PRTFDC1: variants seen among roughly 807,000 people sequenced by gnomAD.
The protein encoded by PRTFDC1 is phosphoribosyltransferase domain-containing protein 1.
A neutral mutation model predicts 34.6 loss-of-function variants in PRTFDC1; 38 were observed. That is an observed-to-expected ratio of 1.10 (90% CI 0.85 to 1.44). PRTFDC1 has a LOEUF of 1.44. PRTFDC1 is among the 40% of genes most tolerant of loss of function. The pLI is 0.00. For synonymous variants in PRTFDC1, 93 were observed against 98.1 expected (o/e 0.95, Z 0.31); for missense variants, 270 against 283.0 (o/e 0.95, Z 0.33).
chr10:24,929,072 GAAA>G (rs1848932460), intron 3 of PRTFDC1, among the ~76,000 whole-genome samples: 3 of 121,380 alleles, frequency 2.5e-5, no homozygotes, highest in Admixed American at 8.3e-5. Flanking sequence ...AAGAAAGAAA[GAAA>G]GGGAGGCTTT....
chr10:24,851,317 G>A (rs942928432), intron 8 of PRTFDC1, 71 bp downstream of exon 8: 25 of 1,559,566 alleles, frequency 1.6e-5, no homozygotes, highest in South Asian at 6.1e-5. Context: ...TCACTAACAC[G>A]CATTCAATAC....
chr10:24,915,455 T>C (rs920765818), intron 3 of PRTFDC1, among the ~76,000 whole-genome samples: 10 of 152,182 alleles, frequency 6.6e-5, no homozygotes, highest in African/African-American at 2.4e-4. Context: ...CATATCCCTA[T>C]AGGCAATGTT....
chr10:24,851,992 G>A (rs1021880016), intron 7 of PRTFDC1, among the ~76,000 whole-genome samples: 6 of 151,962 alleles, frequency 3.9e-5, no homozygotes, highest in Non-Finnish European at 7.4e-5. Flanking sequence ...GAAAGGCAAC[G>A]GGATTGTTCA....
intron 3 of PRTFDC1, among the ~76,000 whole-genome samples, chr10:24,928,046 A>T (rs1848908085): frequency 6.6e-6 from 1 of 152,166 alleles, no homozygotes; most frequent in Admixed American, 6.5e-5. Flanking sequence ...CCAAATCAAG[A>T]TGCATCTTAC....
intron 3 of PRTFDC1, among the ~76,000 whole-genome samples, chr10:24,914,850 A>G (rs1848672423): frequency 6.6e-6 from 1 of 152,226 alleles, no homozygotes; most frequent in Admixed American, 6.5e-5. Flanking sequence ...GCTAAGATGT[A>G]AGAATAATCA....
At chr10:24,900,881 G>A (rs1003830662) in intron 3 of PRTFDC1, among the ~76,000 whole-genome samples, 1 of 152,158 alleles carries the variant, frequency 6.6e-6, no homozygotes, top group African/African-American at 2.4e-5. Flanking sequence ...TAAAAAGGAA[G>A]AGCTCTGTTT....
chr10:24,947,807 C>A (rs1359943842), intron 1 of PRTFDC1, among the ~76,000 whole-genome samples: 1 of 152,070 alleles, frequency 6.6e-6, no homozygotes, highest in East Asian at 1.9e-4. Flanking sequence ...GGTCTCATCC[C>A]TTCACTCTAA....
At chr10:24,924,586 A>G (rs1405967421) in intron 3 of PRTFDC1, among the ~76,000 whole-genome samples, 3 of 152,232 alleles carry the variant, frequency 2.0e-5, no homozygotes, top group Admixed American at 2.0e-4. Context: ...ACAAAGGGCT[A>G]ATATCCAGAA....
At chr10:24,857,089 G>T in intron 5 of PRTFDC1, 94 bp from the exon 6 acceptor site, 1 of 1,074,460 alleles carries the variant, frequency 9.3e-7, no homozygotes, top group Non-Finnish European at 1.4e-6. Context: ...ATAATGCATC[G>T]TAATTAAAAA....
At chr10:24,865,261 C>T (rs1847756000) in intron 4 of PRTFDC1, among the ~76,000 whole-genome samples, 1 of 152,134 alleles carries the variant, frequency 6.6e-6, no homozygotes. Context: ...TCTGATTCAT[C>T]CCCTCCATTT....
At chr10:24,939,918 T>G (rs1258260355) in intron 2 of PRTFDC1, among the ~76,000 whole-genome samples, 1 of 151,928 alleles carries the variant, frequency 6.6e-6, no homozygotes, top group Non-Finnish European at 1.5e-5. Context: ...TTGGAGTAGC[T>G]ATTTTAATTT....
intron 3 of PRTFDC1, among the ~76,000 whole-genome samples, chr10:24,922,889 G>T (rs1019220128): frequency 6.6e-6 from 1 of 152,178 alleles, no homozygotes; most frequent in Non-Finnish European, 1.5e-5. Flanking sequence ...CCCTTTCCTA[G>T]CCAAGGGAAG....
intron 3 of PRTFDC1, among the ~76,000 whole-genome samples, chr10:24,918,282 G>T (rs895564187): frequency 1.3e-5 from 2 of 152,076 alleles, no homozygotes. Context: ...TGGACCTGCT[G>T]TCTTCTCTCT....
At chr10:24,945,053 A>G (rs1029517037) in intron 1 of PRTFDC1, among the ~76,000 whole-genome samples, 2 of 152,076 alleles carry the variant, frequency 1.3e-5, no homozygotes, top group Admixed American at 6.6e-5. Context: ...CTCTTCCTCC[A>G]GATTTCCACA....
chr10:24,856,746 T>C lies in PRTFDC1; in HGVS notation c.506+167A>G, dbSNP rs547891596. 4.1e-4 allele frequency among the ~76,000 whole-genome samples: 62 copies of C among 152,314 alleles called. 2 individuals carry two copies. The South Asian group carries it at 0.012, about 31-fold the overall frequency. ...TCTTCTTCCCTTACTTCTCTCAGGC[T>C]AGCAGTCAAGGGCTGTTTTTCAGTG... On this transcript the variant is annotated intron_variant, in intron 6 of 8. Coordinates refer to ENST00000320152, the MANE Select transcript of PRTFDC1 (RefSeq NM_020200.7).
intron 2 of PRTFDC1, 63 bp from the exon 3 acceptor site, chr10:24,937,430 T>G: frequency 1.4e-6 from 2 of 1,439,088 alleles, no homozygotes; most frequent in Non-Finnish European, 1.9e-6. Flanking sequence ...GTTGCTTTAA[T>G]GAAATGCAAG....
intron 4 of PRTFDC1, among the ~76,000 whole-genome samples, chr10:24,864,673 T>C (rs1847744244): frequency 6.6e-6 from 1 of 152,230 alleles, no homozygotes; most frequent in African/African-American, 2.4e-5. Context: ...AACATAAGTT[T>C]TATATGCACT....
chr10:24,917,092 G>A (rs977032065), intron 3 of PRTFDC1, among the ~76,000 whole-genome samples: 1 of 152,200 alleles, frequency 6.6e-6, no homozygotes, highest in Non-Finnish European at 1.5e-5. Flanking sequence ...AATGACCCAA[G>A]GAGATTGCCA....
intron 4 of PRTFDC1, among the ~76,000 whole-genome samples, chr10:24,859,016 A>G (rs1847630034): frequency 6.6e-6 from 1 of 152,098 alleles, no homozygotes; most frequent in African/African-American, 2.4e-5. Flanking sequence ...CCCTAAGAAC[A>G]CTGTGATATG....
Sources: allele counts gnomAD v4.1 joint callset (sites outside exome capture counted in the v4.1 genomes callset), GRCh38; gene constraint gnomAD v4.1.1; transcripts MANE v1.5; gene names NCBI Gene and HGNC (gene_info 2026-07-23, HGNC 2026-07-21).